DLGAP1: variants seen among roughly 807,000 people sequenced by gnomAD.
The protein encoded by DLGAP1 is disks large-associated protein 1.
DLGAP1 carries 11 observed loss-of-function variants against 90.8 expected under a neutral mutation model. The ratio of observed to expected loss-of-function variants is 0.12; its 90% CI spans 0.08 to 0.20. DLGAP1 has a LOEUF of 0.20. DLGAP1 is among the 10% of genes least tolerant of loss of function. The pLI, the probability that DLGAP1 is intolerant of heterozygous loss-of-function variation, is 1.00. For synonymous variants in DLGAP1, 558 were observed against 540.7 expected, an observed-to-expected ratio of 1.03 and a Z score of -0.44; for missense variants, 1,050 against 1,333.8, an observed-to-expected ratio of 0.79 and a Z score of 3.31.
At position 3,497,235 on chromosome 18, in the gene DLGAP1, A is replaced by G. The variant is rs2049724885; in HGVS notation, c.*1950T>C. 1 of 152,204 alleles carries G rather than the reference A, an allele frequency of 6.6e-6. No individual in the cohort carries two copies. Among genetic ancestry groups the G allele is most frequent in the Non-Finnish European group, 1.5e-5 (1 of 68,038 alleles). The allele number at this position is 152,204 out of a possible 1,614,324, so 9.4% of individuals were successfully genotyped here. A position where few individuals can be genotyped will look rare whatever the true frequency, so the allele number is the denominator to read the frequency against. On this transcript the variant is annotated 3_prime_UTR_variant, in exon 13 of 13. Coordinates refer to ENST00000315677, the MANE Select transcript of DLGAP1 (RefSeq NM_004746.4). ...TGACTTTTAATTGCTGCTACAAGGTAAAGAAAAGGTGTATTCTTTTTAAAA... is the reference window on the plus strand; with the variant it reads ...TGACTTTTAATTGCTGCTACAAGGTGAAGAAAAGGTGTATTCTTTTTAAAA...
chr18:4,405,965 G>A (rs954377191), intron 1 of DLGAP1, among the ~76,000 whole-genome samples: 18 of 152,302 alleles, frequency 1.2e-4, no homozygotes, highest in Middle Eastern at 3.4e-3. Context: ...CAATGTGGGC[G>A]CAGGCTCAGC....
At chr18:4,347,601 C>T (rs565337305) in intron 1 of DLGAP1, among the ~76,000 whole-genome samples, 29 of 151,902 alleles carry the variant, frequency 1.9e-4, no homozygotes, top group African/African-American at 7.0e-4. Context: ...GCTGAAAGGC[C>T]TTAATGAAAT....
At chr18:4,388,113 G>A (rs925022269) in intron 1 of DLGAP1, among the ~76,000 whole-genome samples, 2 of 151,980 alleles carry the variant, frequency 1.3e-5, no homozygotes, top group African/African-American at 2.4e-5. Context: ...CATAAACAGT[G>A]AGCTAAAGTC....
chr18:3,874,013 G>A, intron 4 of DLGAP1: 2 of 1,441,940 alleles, frequency 1.4e-6, no homozygotes, highest in East Asian at 2.5e-5. Context: ...TAATTTGTCA[G>A]CTCTTCCAGT....
At chr18:4,323,048 C>T (rs2080735907) in intron 1 of DLGAP1, among the ~76,000 whole-genome samples, 1 of 151,024 alleles carries the variant, frequency 6.6e-6, no homozygotes, top group South Asian at 2.1e-4. Flanking sequence ...GCAAACCACA[C>T]ATCTGATGAA....
intron 1 of DLGAP1, among the ~76,000 whole-genome samples, chr18:4,160,593 T>A (rs573964818): frequency 2.6e-5 from 4 of 152,318 alleles, no homozygotes; most frequent in Non-Finnish European, 4.4e-5. Flanking sequence ...CTCAGAAGAC[T>A]GAGATGCAGA....
intron 2 of DLGAP1, among the ~76,000 whole-genome samples, chr18:4,062,988 A>C (rs4797141): frequency 0.44 from 66,671 of 151,446 alleles, 15,541 homozygotes; most frequent in African/African-American, 0.6. Flanking sequence ...CACACACAAA[A>C]ATACATTATA....
intron 4 of DLGAP1, among the ~76,000 whole-genome samples, chr18:3,846,930 G>A (rs1373612049): frequency 6.6e-6 from 1 of 152,110 alleles, no homozygotes; most frequent in Non-Finnish European, 1.5e-5. Flanking sequence ...TACTTTAAAT[G>A]GGTAAATAAT....
chr18:3,880,944 GA>G (rs1173817359), intron 3 of DLGAP1, among the ~76,000 whole-genome samples: 1,844 of 38,400 alleles, frequency 0.048, 21 homozygotes, highest in Middle Eastern at 0.12. Context: ...CTCCATCTCA[GA>G]AAAAAAAAAA....
intron 8 of DLGAP1, among the ~76,000 whole-genome samples, chr18:3,568,937 C>T (rs980210145): frequency 4.6e-5 from 7 of 151,870 alleles, no homozygotes; most frequent in African/African-American, 1.2e-4. Flanking sequence ...CCGCCCGCCT[C>T]GGCCTCCCAA....
chr18:3,917,508 G>A (rs1039456686), intron 3 of DLGAP1, among the ~76,000 whole-genome samples: 2 of 152,096 alleles, frequency 1.3e-5, no homozygotes, highest in Non-Finnish European at 2.9e-5. Context: ...CAATATTACT[G>A]TATATGTTAT....
At chr18:4,349,988 G>T (rs899689541) in intron 1 of DLGAP1, among the ~76,000 whole-genome samples, 1 of 152,100 alleles carries the variant, frequency 6.6e-6, no homozygotes, top group African/African-American at 2.4e-5. Context: ...AGTTTTCATA[G>T]TTTAAACGTG....
intron 2 of DLGAP1, among the ~76,000 whole-genome samples, chr18:4,118,369 C>T (rs79581214): frequency 0.018 from 2,673 of 152,184 alleles, 85 homozygotes; most frequent in African/African-American, 0.06. Flanking sequence ...CCAGCAGGTA[C>T]GGAGTGTGTG....
intron 1 of DLGAP1, among the ~76,000 whole-genome samples, chr18:4,252,604 A>G (rs2078804137): frequency 6.6e-6 from 1 of 152,250 alleles, no homozygotes; most frequent in African/African-American, 2.4e-5. Context: ...AATGGCTTAC[A>G]AAACAGTTGA....
chr18:3,633,183 G>A (rs1171590024), intron 7 of DLGAP1, among the ~76,000 whole-genome samples: 1 of 152,092 alleles, frequency 6.6e-6, no homozygotes, highest in Non-Finnish European at 1.5e-5. Flanking sequence ...AAATCATTCG[G>A]TCAAGACATT....
At chr18:3,580,100 T>G in intron 8 of DLGAP1, 2 of 873,644 alleles carry the variant, frequency 2.3e-6, no homozygotes, top group Admixed American at 3.8e-5. Context: ...TCCTGCAGCT[T>G]GAGTCACACA....
chr18:3,971,971 C>T (rs2073459161), intron 3 of DLGAP1, among the ~76,000 whole-genome samples: 4 of 152,212 alleles, frequency 2.6e-5, no homozygotes, highest in Admixed American at 1.3e-4. Flanking sequence ...TGTGAATTAA[C>T]TAAGGGAAGA....
At chr18:4,308,716 G>A (rs1174422195) in intron 1 of DLGAP1, among the ~76,000 whole-genome samples, 5 of 152,164 alleles carry the variant, frequency 3.3e-5, no homozygotes, top group Admixed American at 1.3e-4. Context: ...AGTAGGAAAG[G>A]GGAAGAAAAA....
chr18:3,699,730 T>C (rs568288591), intron 7 of DLGAP1, among the ~76,000 whole-genome samples: 3 of 152,280 alleles, frequency 2.0e-5, no homozygotes, highest in Admixed American at 1.3e-4. Context: ...GCTGAAGCTG[T>C]CTCCATAGCT....
Sources: gnomAD v4.1 joint callset for allele counts (sites outside exome capture counted in the v4.1 genomes callset) on GRCh38, gnomAD v4.1.1 for gene constraint, MANE v1.5 for transcripts, NCBI Gene and HGNC (gene_info 2026-07-23, HGNC 2026-07-21) for gene names.